ATXN7: variants seen among roughly 807,000 people sequenced by gnomAD.
ATXN7 encodes the protein ataxin-7.
A neutral mutation model predicts 70.5 loss-of-function variants in ATXN7; 12 were observed. The observed-to-expected ratio is 0.17, with a 90% CI of 0.11 to 0.28. The LOEUF is 0.28. Ranked by LOEUF, ATXN7 falls within the 10% of genes least tolerant of loss-of-function variation. The probability of loss-of-function intolerance (pLI) is 1.00; values close to 1 mark genes in which losing one functional copy is unlikely to be tolerated. For synonymous variants in ATXN7, 498 were observed against 448.7 expected (o/e 1.11, Z -1.39); for missense variants, 1,256 against 1,131.7 (o/e 1.11, Z -1.58).
At chr3:63,962,207 C>T (rs532040363) in intron 5 of ATXN7, among the ~76,000 whole-genome samples, 3 of 152,046 alleles carry the variant, frequency 2.0e-5, no homozygotes, top group Non-Finnish European at 2.9e-5. Context: ...TAATTTTATA[C>T]CTTTTCATCT....
chr3:63,943,587 A>AG (rs1359677238), intron 4 of ATXN7, among the ~76,000 whole-genome samples: 1 of 152,198 alleles, frequency 6.6e-6, no homozygotes, highest in African/African-American at 2.4e-5. Flanking sequence ...GTAGTCTGTG[A>AG]GGTAGGTACT....
chr3:63,877,863 C>G (rs1156451690), intron 1 of ATXN7, among the ~76,000 whole-genome samples: 1 of 152,162 alleles, frequency 6.6e-6, no homozygotes, highest in Non-Finnish European at 1.5e-5. Context: ...AATCCGGTCT[C>G]CTTGGTAAGA....
rs1702322300 is a variant in ATXN7 at position 63,863,984 on chromosome 3, C to T, written c.-285C>T. 6.7e-6 allele frequency: 1 copy of T among 149,034 alleles called. No individual in the cohort carries two copies. The highest frequency in any genetic ancestry group is 1.4e-5 in the Non-Finnish European group (1 of 69,424). The allele number at this position is 149,034 out of a possible 1,614,324, so 9.2% of individuals were successfully genotyped here. A position where few individuals can be genotyped will look rare whatever the true frequency, so the allele number is the denominator to read the frequency against. On this transcript the variant is annotated 5_prime_UTR_variant, in exon 1 of 13. Transcript: ENST00000674280. Reference sequence around the variant, plus strand: ...GCCGCCGCCGCCGCCGCCGCGGGACCCGCGCTCCCCGCGCTCCCGGTACTC... The same window carrying T: ...GCCGCCGCCGCCGCCGCCGCGGGACTCGCGCTCCCCGCGCTCCCGGTACTC...
chr3:63,940,467 C>A (rs1448218508), intron 4 of ATXN7, among the ~76,000 whole-genome samples: 2 of 152,100 alleles, frequency 1.3e-5, no homozygotes, highest in African/African-American at 2.4e-5. Context: ...GGAATTTACA[C>A]AATATACCTG....
chr3:63,968,826 A>T (rs1054139851), intron 5 of ATXN7, among the ~76,000 whole-genome samples: 6 of 152,142 alleles, frequency 3.9e-5, no homozygotes, highest in Non-Finnish European at 8.8e-5. Flanking sequence ...TGAGTTCTTC[A>T]GTTTTCAGGG....
In ATXN7 at chr3:63,999,676, A is replaced by C. The variant is rs2075813892; in HGVS notation, c.*209A>C. 2 of 860,362 alleles carry C rather than the reference A, an allele frequency of 2.3e-6. No homozygotes were observed. Among genetic ancestry groups the C allele is most frequent in the Non-Finnish European group, 3.7e-6 (2 of 534,406 alleles). 53.3% of individuals were successfully genotyped at this position (860,362 alleles called of 1,614,324 possible). On this transcript the variant is annotated 3_prime_UTR_variant, in exon 13 of 13. Transcript: ENST00000674280. ...AGTGAGTACTCATAAAGGACACTGGATCAAGTTCAGCCACCGAATTGCTTT... is the reference window on the plus strand; with the variant it reads ...AGTGAGTACTCATAAAGGACACTGGCTCAAGTTCAGCCACCGAATTGCTTT...
chr3:63,982,985 C>T lies in ATXN7; in HGVS notation c.1059C>T (p.Asp353=). ...TCCACTGTGGGGTTATTGATCTCGACACCAAGAAGCCCTGCACCCGGTCTT... is the reference window on the plus strand; with the variant it reads ...TCCACTGTGGGGTTATTGATCTCGATACCAAGAAGCCCTGCACCCGGTCTT... ...PDIHCGVIDL[D]TKKPCTRSLT... is the part of the protein sequence containing the mutation. The change falls in exon 8 of 13, where the codon GAC becomes GAT. Residue 353 remains aspartate, a synonymous_variant. Coordinates refer to ENST00000674280, the MANE Select transcript of ATXN7 (RefSeq NM_001377405.1). The T allele has an allele frequency of 6.2e-7, 1 of 1,614,066 alleles. No individual in the cohort carries two copies. The highest frequency in any genetic ancestry group is 8.5e-7 in the Non-Finnish European group (1 of 1,180,014).
Position 63,939,783 on chromosome 3 carries a change from G to A in ATXN7, c.395-12596G>A, listed in dbSNP as rs560230734. The stretch of plus-strand genomic sequence containing the variant: ...CAGCAGCTTCACAACTAGGGTAGCC[G>A]TGAAAGCCAGCAGTCTAGCAGCCAC... On this transcript the variant is annotated intron_variant, in intron 4 of 12. Coordinates refer to ENST00000674280, the MANE Select transcript of ATXN7 (RefSeq NM_001377405.1). Among the ~76,000 whole-genome samples, 7 of 152,210 alleles carry A rather than the reference G, an allele frequency of 4.6e-5. No homozygotes were observed. The East Asian group carries it at 5.8e-4, about 13-fold the overall frequency.
intron 2 of ATXN7, among the ~76,000 whole-genome samples, chr3:63,899,799 A>G (rs1042388636): frequency 5.3e-5 from 8 of 151,992 alleles, no homozygotes; most frequent in Non-Finnish European, 1.0e-4. Context: ...TTGTATTTTT[A>G]GTAGACACGG....
rs138270760 is a variant in ATXN7 at position 63,869,581 on chromosome 3, C to T, written c.-111+5423C>T. On this transcript the variant is annotated intron_variant, in intron 1 of 12. Transcript: ENST00000674280. Reference sequence around the variant, plus strand: ...CTGGGATTACAGGCATGTGCCACTACGCCCAGCTCATTTTTGTATTTTTAG... The same window carrying T: ...CTGGGATTACAGGCATGTGCCACTATGCCCAGCTCATTTTTGTATTTTTAG... Among the ~76,000 whole-genome samples, 1,269 of 152,190 alleles carry T rather than the reference C, an allele frequency of 8.3e-3. 14 individuals carry two copies. The highest frequency in any genetic ancestry group is 0.027 in the African/African-American group (1,127 of 41,518).
intron 12 of ATXN7, among the ~76,000 whole-genome samples, chr3:63,997,051 G>C (rs1003155350): frequency 1.3e-5 from 2 of 152,188 alleles, no homozygotes; most frequent in African/African-American, 4.8e-5. Context: ...GAGGTCAGGA[G>C]TTCAAGACCA....
At position 63,988,095 on chromosome 3, in the gene ATXN7, A is replaced by G; in HGVS notation, c.1132A>G (p.Arg378Gly). ...AACCCAGCGCAGGGCTGTCCAGGGT[A>G]GAAGAAAACGATTTGATGTGTTATT... ...SLTQRRAVQG[R>G]RKRFDVLLAE... Residue 378 changes from arginine to glycine, a missense_variant, in exon 9 of 13, where the codon AGA becomes GGA. By Grantham distance (125) the Arg-to-Gly change is moderately radical. Coordinates refer to ENST00000674280, the MANE Select transcript of ATXN7 (RefSeq NM_001377405.1). 1 of 1,614,148 alleles carries G rather than the reference A, an allele frequency of 6.2e-7. No homozygotes were observed. Among genetic ancestry groups the G allele is most frequent in the Non-Finnish European group, 8.5e-7 (1 of 1,180,020 alleles).
chr3:63,903,309 C>T (rs1334043053), intron 2 of ATXN7, among the ~76,000 whole-genome samples: 1 of 148,070 alleles, frequency 6.8e-6, no homozygotes, highest in Non-Finnish European at 1.5e-5. Context: ...ATGGCGTGAA[C>T]TCAGGAGGTG....
intron 1 of ATXN7, among the ~76,000 whole-genome samples, chr3:63,882,813 C>T (rs1487615235): frequency 3.9e-5 from 6 of 152,042 alleles, no homozygotes; most frequent in Admixed American, 6.6e-5. Flanking sequence ...AAAAAGGCAA[C>T]GAACACCTTA....
At chr3:63,920,862 G>A (rs1486432138) in intron 4 of ATXN7, among the ~76,000 whole-genome samples, 1 of 152,094 alleles carries the variant, frequency 6.6e-6, no homozygotes, top group African/African-American at 2.4e-5. Flanking sequence ...GCATTTCAGT[G>A]CAAGATTGCT....
intron 5 of ATXN7, among the ~76,000 whole-genome samples, chr3:63,960,849 G>A (rs760039693): frequency 6.6e-6 from 1 of 151,918 alleles, no homozygotes; most frequent in Non-Finnish European, 1.5e-5. Flanking sequence ...CAAGTTGGGG[G>A]TGGGGGGTCA....
intron 5 of ATXN7, among the ~76,000 whole-genome samples, chr3:63,960,062 G>C (rs192850631): frequency 3.0e-4 from 46 of 152,308 alleles, no homozygotes; most frequent in African/African-American, 1.1e-3. Context: ...AATAATGTGA[G>C]AGAAAATGAC....
chr3:63,959,414 C>G (rs1407528401), intron 5 of ATXN7, among the ~76,000 whole-genome samples: 1 of 152,174 alleles, frequency 6.6e-6, no homozygotes, highest in African/African-American at 2.4e-5. Context: ...TCAAGGTGGA[C>G]ATTAGTTTAA....
intron 5 of ATXN7, among the ~76,000 whole-genome samples, 188 bp from the exon 6 acceptor site, chr3:63,979,727 G>C (rs547945742): frequency 6.6e-6 from 1 of 152,106 alleles, no homozygotes; most frequent in Non-Finnish European, 1.5e-5. Context: ...AGAAGGACCC[G>C]TTCCTAGAAT....
Sources: allele counts gnomAD v4.1 joint callset (sites outside exome capture counted in the v4.1 genomes callset), GRCh38; gene constraint gnomAD v4.1.1; transcripts MANE v1.5; gene names NCBI Gene and HGNC (gene_info 2026-07-23, HGNC 2026-07-21).